Variants in VIPAS39 observed in about 807,000 individuals in gnomAD.
VIPAS39 encodes the protein spermatogenesis-defective protein 39 homolog.
VIPAS39 carries 63 observed loss-of-function variants against 84.7 expected under a neutral mutation model. That is an observed-to-expected ratio of 0.74 (90% CI 0.61 to 0.92). VIPAS39 has a LOEUF of 0.92. VIPAS39 is among the 40% of genes least tolerant of loss of function. The probability of loss-of-function intolerance (pLI) is 0.00; values close to 1 mark genes in which losing one functional copy is unlikely to be tolerated. For synonymous variants in VIPAS39, 192 were observed against 216.5 expected (o/e 0.89, Z 0.99); for missense variants, 499 against 604.5 (o/e 0.83, Z 1.83).
At chr14:77,433,711 C>T in intron 16 of VIPAS39, 131 bp downstream of exon 16, 1 of 779,118 alleles carries the variant, frequency 1.3e-6, no homozygotes, top group Admixed American at 2.8e-5. Flanking sequence ...ATTCTTTCAA[C>T]TTTTCTTTAG....
intron 11 of VIPAS39, among the ~76,000 whole-genome samples, chr14:77,439,698 T>C (rs1340515155): frequency 6.6e-6 from 1 of 152,008 alleles, no homozygotes; most frequent in Non-Finnish European, 1.5e-5. Flanking sequence ...GCCTAAGGCT[T>C]GAGCCAGGAA....
At chr14:77,434,513 C>A (rs1328461839) in intron 14 of VIPAS39, among the ~76,000 whole-genome samples, 1 of 152,110 alleles carries the variant, frequency 6.6e-6, no homozygotes, top group Non-Finnish European at 1.5e-5. Context: ...AAGTATGGTG[C>A]CTTTTCCCAT....
intron 16 of VIPAS39, among the ~76,000 whole-genome samples, chr14:77,431,931 T>TA (rs2078529735): frequency 6.6e-6 from 1 of 152,108 alleles, no homozygotes; most frequent in Admixed American, 6.5e-5. Context: ...ATAGCCAAGA[T>TA]AAGGAAACAA....
At chr14:77,431,273 T>C (rs999600169) in intron 16 of VIPAS39, among the ~76,000 whole-genome samples, 4 of 152,206 alleles carry the variant, frequency 2.6e-5, no homozygotes, top group African/African-American at 7.2e-5. Flanking sequence ...GTAAACCACA[T>C]ATCTGATAAG....
At chr14:77,453,220 G>A in intron 3 of VIPAS39, 79 bp downstream of exon 3, 2 of 1,409,062 alleles carry the variant, frequency 1.4e-6, no homozygotes, top group South Asian at 2.3e-5. Flanking sequence ...AACTAGCATT[G>A]AAGAAACAAA....
chr14:77,451,136 T>C (rs748994622), intron 4 of VIPAS39, 51 bp downstream of exon 4: 1 of 1,613,170 alleles, frequency 6.2e-7, no homozygotes, highest in East Asian at 2.2e-5. Flanking sequence ...GCCTAAGATT[T>C]TTCTGGAAAA....
intron 12 of VIPAS39, 30 bp from the exon 13 acceptor site, chr14:77,435,949 T>C: frequency 6.2e-7 from 1 of 1,612,646 alleles, no homozygotes. Flanking sequence ...TTAGTACCTT[T>C]CTCTATTCAA....
chr14:77,457,528 C>T lies in VIPAS39; in HGVS notation c.-34G>A. On this transcript the variant is annotated 5_prime_UTR_variant, in exon 1 of 20. Transcript: ENST00000557658. ...CACAGAGCCCTCCCTCTCAGGACAG[C>T]GCCAGCCTCCGCCGCCGCTGGACCA... is the stretch of plus-strand genomic sequence containing the variant. 1.3e-6 allele frequency: 1 copy of T among 776,366 alleles called. No individual in the cohort carries two copies. The highest frequency in any genetic ancestry group is 2.0e-6 in the Non-Finnish European group (1 of 490,492). The allele number at this position is 776,366 out of a possible 1,614,324, so 48.1% of individuals were successfully genotyped here. A position where few individuals can be genotyped will look rare whatever the true frequency, so the allele number is the denominator to read the frequency against.
intron 10 of VIPAS39, among the ~76,000 whole-genome samples, chr14:77,442,028 G>A (rs931945336): frequency 2.0e-5 from 3 of 152,090 alleles, no homozygotes; most frequent in African/African-American, 7.2e-5. Flanking sequence ...CTTCCATGAG[G>A]CTTTCCCTGG....
intron 7 of VIPAS39, among the ~76,000 whole-genome samples, chr14:77,446,776 G>T (rs137954997): frequency 3.2e-4 from 48 of 152,004 alleles, no homozygotes; most frequent in African/African-American, 1.0e-3. Flanking sequence ...AAAGAGTCCA[G>T]AAATAGGCCT....
chr14:77,453,489 C>T, intron 2 of VIPAS39, 88 bp from the exon 3 acceptor site: 1 of 1,304,932 alleles, frequency 7.7e-7, no homozygotes, highest in Non-Finnish European at 1.1e-6. Context: ...GGAATTGGGG[C>T]CTGAAGGTGG....
chr14:77,442,460 C>T, intron 10 of VIPAS39, 100 bp downstream of exon 10: 3 of 1,000,078 alleles, frequency 3.0e-6, no homozygotes, highest in Non-Finnish European at 4.8e-6. Context: ...CAAGCACTTC[C>T]AGGAAAAGGG....
At chr14:77,448,368 A>G (rs2078829911) in intron 7 of VIPAS39, 126 bp downstream of exon 7, 1 of 1,006,572 alleles carries the variant, frequency 9.9e-7, no homozygotes, top group Non-Finnish European at 1.6e-6. Flanking sequence ...TTTCAACCTT[A>G]GTGGATTTAT....
intron 7 of VIPAS39, among the ~76,000 whole-genome samples, chr14:77,447,819 CCCG>C (rs1288127819): frequency 5.9e-5 from 9 of 152,030 alleles, no homozygotes; most frequent in African/African-American, 2.2e-4. Context: ...CGCCACCACG[CCCG>C]CCTAATTTTT....
Position 77,442,586 on chromosome 14 carries a change from A to T in VIPAS39, c.708T>A (p.Asp236Glu). 6.2e-7 allele frequency: 1 copy of T among 1,614,162 alleles called. No homozygotes were observed. The highest frequency in any genetic ancestry group is 8.5e-7 in the Non-Finnish European group (1 of 1,180,016). ...HLIHFLKEIG[D>E]QKLLLDLFRF... ...TGAAGAGGTCTAAAAGCAACTTTTG[A>T]TCCCCTATTTCCTTAAGGAAGTGAA... Residue 236 changes from aspartate (D) to glutamate (E), a missense_variant, in exon 10 of 20, where the codon GAT (aspartate) becomes GAA (glutamate). Asp to Glu is a conservative substitution (Grantham distance 45, BLOSUM62 2). Coordinates refer to ENST00000557658, the MANE Select transcript of VIPAS39 (RefSeq NM_001193315.2).
At chr14:77,445,774 A>G (rs1050237676) in intron 7 of VIPAS39, among the ~76,000 whole-genome samples, 9 of 152,014 alleles carry the variant, frequency 5.9e-5, no homozygotes, top group African/African-American at 2.2e-4. Context: ...CCTCCTCTCT[A>G]CTAAAAATAC....
rs149670563 is a variant in VIPAS39, at chr14:77,429,408, C to A, written c.1266+273G>T. Among the ~76,000 whole-genome samples, 257 of 152,278 alleles carry A rather than the reference C, an allele frequency of 1.7e-3. 1 individual carries two copies. The highest frequency in any genetic ancestry group is 5.8e-3 in the African/African-American group (242 of 41,528). The stretch of plus-strand genomic sequence containing the variant: ...CCCTGATGTCTTTTCTCCACGAGTT[C>A]TCCTTTTCTATCATTTGAACAGTAC... On this transcript the variant is annotated intron_variant, in intron 17 of 19. Transcript: ENST00000557658.
At chr14:77,446,448 C>T (rs140228983) in intron 7 of VIPAS39, among the ~76,000 whole-genome samples, 1,879 of 152,168 alleles carry the variant, frequency 0.012, 40 homozygotes, top group African/African-American at 0.043. Flanking sequence ...GGATTATAGG[C>T]ACAAGCCACC....
intron 6 of VIPAS39, among the ~76,000 whole-genome samples, chr14:77,448,882 G>T (rs1258720482): frequency 6.6e-6 from 1 of 152,172 alleles, no homozygotes; most frequent in Non-Finnish European, 1.5e-5. Flanking sequence ...TTGGCCAACA[G>T]AAGGAAAGAG....
Sources: gnomAD v4.1 joint callset for allele counts (sites outside exome capture counted in the v4.1 genomes callset) on GRCh38, gnomAD v4.1.1 for gene constraint, MANE v1.5 for transcripts, NCBI Gene and HGNC (gene_info 2026-07-23, HGNC 2026-07-21) for gene names.